The following ERC2 variants were observed in gnomAD, a reference collection of about 807,000 sequenced individuals.
The protein encoded by ERC2 is ERC protein 2.
A neutral mutation model predicts 114.8 loss-of-function variants in ERC2; 42 were observed. The ratio of observed to expected loss-of-function variants is 0.37; its 90% CI spans 0.29 to 0.47. The LOEUF is 0.47. Ranked by LOEUF, ERC2 falls within the 20% of genes least tolerant of loss-of-function variation. The pLI is 0.99. For synonymous variants in ERC2, 454 were observed against 425.5 expected (o/e 1.07, Z -0.82); for missense variants, 939 against 1,150.7 (o/e 0.82, Z 2.66).
chr3:56,366,323 C>CA (rs1331878355), intron 2 of ERC2, among the ~76,000 whole-genome samples: 6 of 152,196 alleles, frequency 3.9e-5, no homozygotes, highest in Admixed American at 1.3e-4. Flanking sequence ...CTTGCAATAG[C>CA]AAACTCTGAA....
intron 17 of ERC2, among the ~76,000 whole-genome samples, chr3:55,583,342 T>TCTGCCTGCTTGCCTGC (rs2057354134): frequency 1.3e-5 from 2 of 148,932 alleles, no homozygotes; most frequent in Admixed American, 1.3e-4. Context: ...TGCCTGCCTG[T>TCTGCCTGCTTGCCTGC]CTGCCTGCCT....
At chr3:56,267,223 A>G (rs1459588353) in intron 3 of ERC2, among the ~76,000 whole-genome samples, 3 of 152,186 alleles carry the variant, frequency 2.0e-5, no homozygotes, top group Non-Finnish European at 4.4e-5. Flanking sequence ...CGAATTTCAG[A>G]TTTTTGAATT....
intron 17 of ERC2, among the ~76,000 whole-genome samples, chr3:55,561,544 G>C (rs72870453): frequency 0.012 from 1,802 of 152,312 alleles, 40 homozygotes; most frequent in African/African-American, 0.041. Context: ...TTCACAGTTT[G>C]TAAGGTCCTT....
chr3:55,617,575 G>C (rs947614901), intron 17 of ERC2, among the ~76,000 whole-genome samples: 1 of 152,106 alleles, frequency 6.6e-6, no homozygotes, highest in South Asian at 2.1e-4. Context: ...AGCCAGGAAA[G>C]ACCTGCAGGC....
chr3:56,395,430 A>T (rs1306467256), intron 2 of ERC2, among the ~76,000 whole-genome samples: 1 of 152,136 alleles, frequency 6.6e-6, no homozygotes, highest in Non-Finnish European at 1.5e-5. Flanking sequence ...GTAGTTTGGA[A>T]ATTTGTCCCC....
intron 13 of ERC2, among the ~76,000 whole-genome samples, chr3:55,934,096 A>G (rs1490608674): frequency 6.6e-6 from 1 of 152,238 alleles, no homozygotes; most frequent in Admixed American, 6.5e-5. Context: ...ATATCTATAT[A>G]CGCGCATATA....
At chr3:55,827,529 C>G (rs2060381329) in intron 14 of ERC2, among the ~76,000 whole-genome samples, 1 of 152,130 alleles carries the variant, frequency 6.6e-6, no homozygotes, top group African/African-American at 2.4e-5. Context: ...AATGCTATAT[C>G]TGATAATTCA....
At chr3:55,832,041 C>G (rs982316694) in intron 14 of ERC2, among the ~76,000 whole-genome samples, 3 of 152,188 alleles carry the variant, frequency 2.0e-5, no homozygotes, top group Non-Finnish European at 4.4e-5. Context: ...ACGTCAGCAG[C>G]GAGGCTGGGG....
intron 2 of ERC2, among the ~76,000 whole-genome samples, chr3:56,296,662 G>GCA (rs904397660): frequency 4.6e-5 from 7 of 151,934 alleles, no homozygotes; most frequent in Non-Finnish European, 4.4e-5. Flanking sequence ...GAAGAGAAAT[G>GCA]CACACACACA....
intron 2 of ERC2, among the ~76,000 whole-genome samples, chr3:56,354,280 A>G (rs2058662338): frequency 6.6e-6 from 1 of 152,248 alleles, no homozygotes; most frequent in African/African-American, 2.4e-5. Context: ...GCAGAGCCTC[A>G]CAGCCCTTCC....
chr3:56,076,413 T>C (rs142037646), intron 7 of ERC2, among the ~76,000 whole-genome samples: 40 of 146,268 alleles, frequency 2.7e-4, no homozygotes, highest in Non-Finnish European at 5.4e-4. Flanking sequence ...TTTCCAAATG[T>C]ACAATGTCAT....
chr3:55,677,293 T>G (rs920432153), intron 17 of ERC2, among the ~76,000 whole-genome samples: 1 of 152,222 alleles, frequency 6.6e-6, no homozygotes, highest in Admixed American at 6.5e-5. Context: ...CAAAGGTAAC[T>G]GGAGAGGGTA....
intron 3 of ERC2, among the ~76,000 whole-genome samples, chr3:56,238,693 A>G (rs141957512): frequency 3.3e-5 from 5 of 152,292 alleles, no homozygotes; most frequent in South Asian, 2.1e-4. Flanking sequence ...CTCTGTTAGC[A>G]CTTCTCCAGG....
At chr3:56,207,393 T>A (rs2048806247) in intron 3 of ERC2, among the ~76,000 whole-genome samples, 1 of 152,108 alleles carries the variant, frequency 6.6e-6, no homozygotes, top group African/African-American at 2.4e-5. Context: ...TACCCATATA[T>A]TTATTTATTT....
intron 2 of ERC2, among the ~76,000 whole-genome samples, chr3:56,299,022 A>G (rs1371359183): frequency 6.6e-6 from 1 of 151,712 alleles, no homozygotes; most frequent in Non-Finnish European, 1.5e-5. Flanking sequence ...CTCTTGAAAG[A>G]GTGCTTTGGC....
At chr3:55,775,603 G>A (rs973985384) in intron 14 of ERC2, among the ~76,000 whole-genome samples, 1 of 151,188 alleles carries the variant, frequency 6.6e-6, no homozygotes, top group Admixed American at 6.6e-5. Context: ...AAGTGAGACA[G>A]ACAGAGAGAG....
At chr3:56,274,075 C>T (rs1012006596) in intron 3 of ERC2, among the ~76,000 whole-genome samples, 1 of 152,184 alleles carries the variant, frequency 6.6e-6, no homozygotes, top group Non-Finnish European at 1.5e-5. Context: ...ATTACTGGTC[C>T]ATGGCCTGTT....
chr3:55,760,445 CT>C (rs1393672974), intron 14 of ERC2, among the ~76,000 whole-genome samples: 1 of 152,170 alleles, frequency 6.6e-6, no homozygotes, highest in African/African-American at 2.4e-5. Context: ...TATTCCTTCA[CT>C]TTAGTTCAGA....
chr3:55,905,972 AT>A (rs1233674547), intron 13 of ERC2, among the ~76,000 whole-genome samples: 1 of 152,070 alleles, frequency 6.6e-6, no homozygotes, highest in Non-Finnish European at 1.5e-5. Context: ...ATGTGTCACA[AT>A]TTTAAATGAC....
Sources: allele counts gnomAD v4.1 joint callset (sites outside exome capture counted in the v4.1 genomes callset), GRCh38; gene constraint gnomAD v4.1.1; transcripts MANE v1.5; gene names NCBI Gene and HGNC (gene_info 2026-07-23, HGNC 2026-07-21).